COL22A1: variants seen among roughly 807,000 people sequenced by gnomAD.
COL22A1 encodes the protein collagen alpha-1(XXII) chain.
Under a neutral mutation model 248.9 loss-of-function variants are expected in COL22A1, and 221 were observed. The observed-to-expected ratio is 0.89, with a 90% confidence interval of 0.80 to 0.99. The LOEUF is 0.99. Ranked by LOEUF, COL22A1 falls within the 50% of genes least tolerant of loss-of-function variation. COL22A1 has a pLI of 0.00. For missense variants in COL22A1, 2,240 were observed against 2,179.0 expected (o/e 1.03, Z -0.56); for synonymous variants, 891 against 793.4 (o/e 1.12, Z -2.07).
chr8:138,883,639 C>T (rs1824417458), intron 1 of COL22A1, among the ~76,000 whole-genome samples: 1 of 152,060 alleles, frequency 6.6e-6, no homozygotes, highest in Non-Finnish European at 1.5e-5. Flanking sequence ...GCAGTTTCCC[C>T]CATGCTGTTC....
intron 2 of COL22A1, among the ~76,000 whole-genome samples, chr8:138,879,690 C>CAAAA (rs372214665): frequency 1.4e-3 from 137 of 99,018 alleles, no homozygotes; most frequent in Middle Eastern, 6.4e-3. Context: ...GACACTCTCT[C>CAAAA]AAAAAAAAAA....
At chr8:138,895,728 G>A (rs1461358682) in intron 1 of COL22A1, among the ~76,000 whole-genome samples, 1 of 152,166 alleles carries the variant, frequency 6.6e-6, no homozygotes, top group Non-Finnish European at 1.5e-5. Flanking sequence ...AGAGAAGAAA[G>A]AGTACGGAGC....
chr8:138,630,078 C>T (rs115911029), intron 50 of COL22A1, among the ~76,000 whole-genome samples: 259 of 152,282 alleles, frequency 1.7e-3, no homozygotes, highest in African/African-American at 6.1e-3. Flanking sequence ...CATGTATTGG[C>T]TACTAACATA....
Position 138,613,897 on chromosome 8 carries a change from T to A in COL22A1, c.3948A>T (p.Pro1316=), listed in dbSNP as rs768685610. The change falls in exon 56 of 65, where the codon CCA becomes CCT. Residue 1316 remains proline, a synonymous_variant. Coordinates refer to ENST00000303045, the MANE Select transcript of COL22A1 (RefSeq NM_152888.3). ...GGCCCCTTGGTCCTTGGGGACCCTG[T>A]GGCCCAGTGGGTCCAGTGTCACCCT... is the stretch of plus-strand genomic sequence containing the variant. ...GKDGDTGPTG[P]QGPQGPRGPP... 2 of 1,613,850 alleles carry A rather than the reference T, an allele frequency of 1.2e-6. No homozygotes were observed. The highest frequency in any genetic ancestry group is 8.5e-7 in the Non-Finnish European group (1 of 1,179,704).
chr8:138,616,845 G>GT (rs1423752346), intron 54 of COL22A1, 69 bp downstream of exon 54: 7 of 1,574,224 alleles, frequency 4.4e-6, no homozygotes, highest in Non-Finnish European at 6.1e-6. Flanking sequence ...CAGGCTGCAA[G>GT]TATCTTCTGT....
At chr8:138,813,179 G>C (rs561998915) in intron 7 of COL22A1, among the ~76,000 whole-genome samples, 160 bp from the exon 8 acceptor site, 8 of 152,200 alleles carry the variant, frequency 5.3e-5, no homozygotes, top group African/African-American at 1.9e-4. Flanking sequence ...CTCCACTCTG[G>C]ATTTTCACAA....
intron 22 of COL22A1, among the ~76,000 whole-genome samples, chr8:138,740,232 G>A (rs1027542238): frequency 5.9e-5 from 9 of 152,280 alleles, no homozygotes; most frequent in Middle Eastern, 3.4e-3. Context: ...AATAATCATC[G>A]GAAGTTAGAA....
chr8:138,705,560 C>A (rs1431351093), intron 30 of COL22A1, among the ~76,000 whole-genome samples: 1 of 152,128 alleles, frequency 6.6e-6, no homozygotes, highest in Admixed American at 6.6e-5. Context: ...GAAATAAAAT[C>A]CTTTACAGAC....
chr8:138,594,051 AC>A lies in COL22A1; in HGVS notation c.4580del (p.Gly1527ValfsTer9), dbSNP rs1292606932. Reference sequence around the variant, plus strand: ...CTATGGGTCCAGAGGGTCCTTCCAGACCCCCCTGCCCAGGACGACCTGGCTC... The same window carrying A: ...CTATGGGTCCAGAGGGTCCTTCCAGACCCCCTGCCCAGGACGACCTGGCTC... ...MGEPGRPGQG[G>X]LEGPSGPIGP... On this transcript the variant is annotated frameshift_variant, in exon 63 of 65. Coordinates refer to ENST00000303045, the MANE Select transcript of COL22A1 (RefSeq NM_152888.3). LOFTEE classifies it high-confidence loss of function. 7.6e-6 allele frequency: 12 copies of A among 1,586,602 alleles called. No individual in the cohort carries two copies. The highest frequency in any genetic ancestry group is 4.6e-5 in the South Asian group (4 of 87,912).
At chr8:138,730,795 A>G (rs931772721) in intron 23 of COL22A1, among the ~76,000 whole-genome samples, 1 of 151,856 alleles carries the variant, frequency 6.6e-6, no homozygotes, top group Non-Finnish European at 1.5e-5. Context: ...CTTGCTGTGG[A>G]AGGGCTTAGT....
intron 12 of COL22A1, among the ~76,000 whole-genome samples, chr8:138,795,830 G>A (rs1816465034): frequency 6.6e-6 from 1 of 152,102 alleles, no homozygotes; most frequent in Admixed American, 6.6e-5. Flanking sequence ...AGTGCCTACA[G>A]GGAGAGAATG....
intron 62 of COL22A1, among the ~76,000 whole-genome samples, chr8:138,595,429 CAA>C (rs374114811): frequency 1.1e-4 from 16 of 152,134 alleles, no homozygotes; most frequent in African/African-American, 3.6e-4. Context: ...CCCCCAAAAG[CAA>C]AGGTTATTTC....
At chr8:138,725,728 T>C (rs968049625) in intron 23 of COL22A1, among the ~76,000 whole-genome samples, 5 of 151,636 alleles carry the variant, frequency 3.3e-5, no homozygotes, top group Non-Finnish European at 7.4e-5. Context: ...TTAATGTAAA[T>C]ACATATATGT....
intron 23 of COL22A1, among the ~76,000 whole-genome samples, chr8:138,731,091 C>T (rs997991609): frequency 1.8e-4 from 27 of 152,110 alleles, no homozygotes; most frequent in Middle Eastern, 3.4e-3. Context: ...CACCTGAGGT[C>T]GGGAGTTCAA....
At chr8:138,706,753 C>G (rs563812281) in intron 30 of COL22A1, among the ~76,000 whole-genome samples, 1 of 152,230 alleles carries the variant, frequency 6.6e-6, no homozygotes, top group Admixed American at 6.5e-5. Flanking sequence ...CAAACACATT[C>G]AAAAGCTAGC....
At chr8:138,668,744 T>A (rs72727885) in intron 41 of COL22A1, among the ~76,000 whole-genome samples, 5,231 of 152,314 alleles carry the variant, frequency 0.034, 178 homozygotes, top group African/African-American at 0.082. Flanking sequence ...GCCAAGTGGC[T>A]GCATGGCATG....
chr8:138,740,918 ACAGGAACCCAC>A (rs1268923189), intron 22 of COL22A1, among the ~76,000 whole-genome samples: 1 of 152,096 alleles, frequency 6.6e-6, no homozygotes, highest in African/African-American at 2.4e-5. Context: ...AGCCACAGCC[ACAGGAACCCAC>A]CCTGTTCCCA....
intron 59 of COL22A1, among the ~76,000 whole-genome samples, chr8:138,603,748 C>T (rs1264399620): frequency 6.6e-6 from 1 of 152,138 alleles, no homozygotes; most frequent in East Asian, 1.9e-4. Context: ...GAGGAGTAAA[C>T]ACTTTCCGAA....
At position 138,724,653 on chromosome 8, in the gene COL22A1, T is replaced by A; in HGVS notation, c.2209A>T (p.Ile737Phe). The change falls in exon 25 of 65, where the codon ATC (isoleucine) becomes TTC (phenylalanine). Residue 737 changes from isoleucine to phenylalanine, a missense_variant. Ile to Phe is a conservative substitution (Grantham distance 21). Coordinates refer to ENST00000303045, the MANE Select transcript of COL22A1 (RefSeq NM_152888.3). ...GGTCCAGGCTTTCCCGGGAAGCCGA[T>A]CTCTCCAGGCAAACCCTGAAAGGGG... ...PGGSPGLPGE[I>F]GFPGKPGPPG... The A allele has an allele frequency of 1.9e-6, 3 of 1,614,148 alleles. No homozygotes were observed. The highest frequency in any genetic ancestry group is 2.5e-6 in the Non-Finnish European group (3 of 1,179,992).
Sources: allele counts gnomAD v4.1 joint callset (sites outside exome capture counted in the v4.1 genomes callset), GRCh38; gene constraint gnomAD v4.1.1; transcripts MANE v1.5; gene names NCBI Gene and HGNC (gene_info 2026-07-23, HGNC 2026-07-21).